AUTS2: variants seen among roughly 807,000 people sequenced by gnomAD.
The protein encoded by AUTS2 is autism susceptibility gene 2 protein.
In AUTS2, 17 loss-of-function variants were observed where a neutral mutation model predicts 112.4. That is an observed-to-expected ratio of 0.15 (90% confidence interval 0.10 to 0.23). The LOEUF is 0.23. Ranked by LOEUF, AUTS2 falls within the 10% of genes least tolerant of loss-of-function variation. The pLI is 1.00. For synonymous variants in AUTS2, 751 were observed against 702.7 expected, an observed-to-expected ratio of 1.07 and a Z score of -1.09; for missense variants, 1,510 against 1,701.6, an observed-to-expected ratio of 0.89 and a Z score of 1.98.
chr7:70,337,409 CT>C (rs1414437630), intron 4 of AUTS2, among the ~76,000 whole-genome samples: 1 of 152,164 alleles, frequency 6.6e-6, no homozygotes, highest in African/African-American at 2.4e-5. Context: ...AGGCTATTGA[CT>C]TAAATGGACA....
chr7:70,183,762 G>A (rs188408176), intron 4 of AUTS2, among the ~76,000 whole-genome samples: 1 of 152,242 alleles, frequency 6.6e-6, no homozygotes, highest in African/African-American at 2.4e-5. Flanking sequence ...GCCCCCTGGA[G>A]GAGGTTAGAA....
chr7:69,799,460 T>G (rs764779639), intron 1 of AUTS2, among the ~76,000 whole-genome samples: 13 of 152,110 alleles, frequency 8.5e-5, no homozygotes, highest in Non-Finnish European at 1.8e-4. Context: ...CAGGTGCCTC[T>G]GAGGTCCAGC....
chr7:69,734,460 C>T (rs1203569767), intron 1 of AUTS2, among the ~76,000 whole-genome samples: 1 of 146,916 alleles, frequency 6.8e-6, no homozygotes, highest in Non-Finnish European at 1.5e-5. Context: ...ATTTCATTTT[C>T]TCAGTGGAGT....
At chr7:69,665,870 C>G (rs967319767) in intron 1 of AUTS2, among the ~76,000 whole-genome samples, 5 of 152,072 alleles carry the variant, frequency 3.3e-5, no homozygotes, top group African/African-American at 1.2e-4. Flanking sequence ...TTTCTTCAGG[C>G]TCTCTTGATT....
At chr7:70,528,922 A>G (rs1315256752) in intron 5 of AUTS2, among the ~76,000 whole-genome samples, 2 of 152,208 alleles carry the variant, frequency 1.3e-5, no homozygotes, top group East Asian at 3.9e-4. Context: ...GGATAATAGC[A>G]ACCAGAAAAA....
intron 5 of AUTS2, among the ~76,000 whole-genome samples, chr7:70,639,616 C>CA (rs5884790): frequency 0.025 from 1,900 of 75,036 alleles, 131 homozygotes; most frequent in African/African-American, 0.1. Flanking sequence ...GACCCTGTCT[C>CA]AAAAAAAAAA....
chr7:70,755,819 C>T lies in AUTS2; in HGVS notation c.743-7051C>T, dbSNP rs1789160814. The stretch of plus-strand genomic sequence containing the variant: ...TTTTTTTACTTTAACAATAATAATA[C>T]TCTTATTTACTTTAATAAAAATTTA... On this transcript the variant is annotated intron_variant, in intron 6 of 18. Transcript: ENST00000342771. Among the ~76,000 whole-genome samples the T allele has an allele frequency of 1.3e-5, 2 of 151,800 alleles. 1 individual carries two copies. The highest frequency in any genetic ancestry group is 4.2e-4 in the South Asian group (2 of 4,816).
intron 6 of AUTS2, among the ~76,000 whole-genome samples, chr7:70,702,543 G>A (rs892510512): frequency 3.3e-5 from 5 of 152,200 alleles, no homozygotes; most frequent in African/African-American, 1.2e-4. Flanking sequence ...AAAGCCTCCT[G>A]AGTGAGCCAT....
At chr7:70,115,858 A>C (rs117061412) in intron 2 of AUTS2, among the ~76,000 whole-genome samples, 2,285 of 152,338 alleles carry the variant, frequency 0.015, 38 homozygotes, top group South Asian at 0.036. Flanking sequence ...TTCAAAGACC[A>C]TAACAGAGGA....
At chr7:70,415,468 C>A (rs1213275899) in intron 4 of AUTS2, among the ~76,000 whole-genome samples, 3 of 152,040 alleles carry the variant, frequency 2.0e-5, no homozygotes, top group Non-Finnish European at 4.4e-5. Flanking sequence ...TTCATTTTTT[C>A]ATGAAATTGA....
intron 5 of AUTS2, among the ~76,000 whole-genome samples, chr7:70,669,817 A>C (rs1807543065): frequency 6.6e-6 from 1 of 152,242 alleles, no homozygotes; most frequent in Non-Finnish European, 1.5e-5. Flanking sequence ...GCATTGTACC[A>C]GGCAGAAAAA....
At chr7:70,237,694 A>C (rs552515687) in intron 4 of AUTS2, among the ~76,000 whole-genome samples, 1 of 152,334 alleles carries the variant, frequency 6.6e-6, no homozygotes, top group East Asian at 1.9e-4. Flanking sequence ...TTAATTCAAC[A>C]TGATGAATCC....
At chr7:70,459,474 G>A (rs746747550) in intron 5 of AUTS2, among the ~76,000 whole-genome samples, 13 of 152,146 alleles carry the variant, frequency 8.5e-5, no homozygotes, top group Non-Finnish European at 1.3e-4. Context: ...TCACCACTCC[G>A]ATAGCTAAGC....
At chr7:70,114,795 C>T (rs1805272428) in intron 2 of AUTS2, among the ~76,000 whole-genome samples, 1 of 151,664 alleles carries the variant, frequency 6.6e-6, no homozygotes, top group Non-Finnish European at 1.5e-5. Flanking sequence ...GAGCAAAACT[C>T]CGTCTCAGAA....
In AUTS2 at chr7:70,627,669, T is replaced by G. The variant is rs796541859; in HGVS notation, c.691-70900T>G. ...ACAGTGTAGGGCTGGCGCCAGTTCC[T>G]GTCATTCTCCATCCAATTCCGAGCC... is the stretch of plus-strand genomic sequence containing the variant. On this transcript the variant is annotated intron_variant, in intron 5 of 18. Coordinates refer to ENST00000342771, the MANE Select transcript of AUTS2 (RefSeq NM_015570.4). Among the ~76,000 whole-genome samples the G allele has an allele frequency of 6.6e-5, 10 of 152,368 alleles. 1 individual carries two copies. Among genetic ancestry groups the G allele is most frequent in the African/African-American group, 2.4e-4 (10 of 41,588 alleles).
At chr7:70,051,278 G>A (rs944082211) in intron 2 of AUTS2, among the ~76,000 whole-genome samples, 2 of 152,258 alleles carry the variant, frequency 1.3e-5, no homozygotes, top group South Asian at 4.1e-4. Context: ...CTTTTTGAGT[G>A]CGTTTGTCTC....
intron 6 of AUTS2, among the ~76,000 whole-genome samples, chr7:70,753,320 G>A (rs1788984485): frequency 6.6e-6 from 1 of 152,142 alleles, no homozygotes; most frequent in South Asian, 2.1e-4. Flanking sequence ...TCAGAGGTTT[G>A]TGATACAGAC....
intron 1 of AUTS2, among the ~76,000 whole-genome samples, chr7:69,680,750 G>T (rs935668452): frequency 9.2e-5 from 14 of 152,064 alleles, no homozygotes; most frequent in African/African-American, 3.4e-4. Flanking sequence ...GCTCACTGCA[G>T]CATCCATCCC....
intron 13 of AUTS2, among the ~76,000 whole-genome samples, chr7:70,775,856 A>T (rs1335627064): frequency 6.6e-6 from 1 of 152,220 alleles, no homozygotes; most frequent in Non-Finnish European, 1.5e-5. Context: ...GTTTGTTAAC[A>T]TCTTGCTTAA....
Sources: gnomAD v4.1 joint callset for allele counts (sites outside exome capture counted in the v4.1 genomes callset) on GRCh38, gnomAD v4.1.1 for gene constraint, MANE v1.5 for transcripts, NCBI Gene and HGNC (gene_info 2026-07-23, HGNC 2026-07-21) for gene names.